Variants in KSR2 observed in about 807,000 individuals in gnomAD.
The protein encoded by KSR2 is kinase suppressor of ras 2.
A neutral mutation model predicts 107.8 loss-of-function variants in KSR2; 25 were observed. The ratio of observed to expected loss-of-function variants is 0.23; its 90% confidence interval spans 0.17 to 0.32. KSR2 has a LOEUF of 0.32. Among genes scored for constraint, KSR2 ranks in the 10% least tolerant of loss-of-function variants. KSR2 has a pLI of 1.00. For synonymous variants in KSR2, 480 were observed against 507.0 expected, an observed-to-expected ratio of 0.95 and a Z score of 0.71; for missense variants, 887 against 1,268.9, an observed-to-expected ratio of 0.70 and a Z score of 4.57.
chr12:117,794,414 TGCACATACAACATGCACACTC>T (rs1463944287), intron 3 of KSR2, among the ~76,000 whole-genome samples: 3 of 64,714 alleles, frequency 4.6e-5, no homozygotes, highest in African/African-American at 1.9e-4. Context: ...TGCACACACA[TGCACATACAACATGCACACTC>T]ACACCAACAT....
intron 4 of KSR2, among the ~76,000 whole-genome samples, chr12:117,679,347 C>T (rs538831199): frequency 7.9e-5 from 12 of 152,304 alleles, no homozygotes; most frequent in South Asian, 6.2e-4. Flanking sequence ...TAGAGTTATA[C>T]CCATTTCATA....
At chr12:117,514,941 A>AGC (rs1175258451) in intron 14 of KSR2, among the ~76,000 whole-genome samples, 3 of 151,826 alleles carry the variant, frequency 2.0e-5, no homozygotes, top group Non-Finnish European at 4.4e-5. Context: ...TCCTACCTCT[A>AGC]AGCCTTTGCA....
intron 1 of KSR2, among the ~76,000 whole-genome samples, chr12:117,935,343 G>A: frequency 6.6e-6 from 1 of 152,126 alleles, no homozygotes; most frequent in East Asian, 1.9e-4. Context: ...CAGGCCCCTA[G>A]AGTCTGTTCT....
chr12:117,798,718 A>ATAT (rs545976554), intron 3 of KSR2, among the ~76,000 whole-genome samples: 7 of 108,636 alleles, frequency 6.4e-5, no homozygotes, highest in Non-Finnish European at 1.1e-4. Context: ...CCAAAAAAAA[A>ATAT]AAATATATAT....
intron 1 of KSR2, among the ~76,000 whole-genome samples, chr12:117,911,380 G>A (rs1454276119): frequency 1.3e-5 from 2 of 152,144 alleles, no homozygotes; most frequent in African/African-American, 2.4e-5. Flanking sequence ...GGCAGCTGCT[G>A]TTCCTTCCTC....
intron 14 of KSR2, among the ~76,000 whole-genome samples, chr12:117,492,899 G>C (rs1872823365): frequency 6.6e-6 from 1 of 152,256 alleles, no homozygotes; most frequent in Non-Finnish European, 1.5e-5. Flanking sequence ...CCTCTAAAAA[G>C]CTGGAAAAAG....
intron 14 of KSR2, among the ~76,000 whole-genome samples, chr12:117,487,473 G>T (rs909355921): frequency 6.6e-6 from 1 of 152,212 alleles, no homozygotes; most frequent in Non-Finnish European, 1.5e-5. Context: ...CATCCCCCAG[G>T]TTGCTGTCCC....
chr12:117,510,672 G>A (rs770741699), intron 14 of KSR2, among the ~76,000 whole-genome samples: 4 of 152,136 alleles, frequency 2.6e-5, no homozygotes, highest in Non-Finnish European at 4.4e-5. Flanking sequence ...GAGCTTAGGC[G>A]TTTGAGAACA....
intron 1 of KSR2, among the ~76,000 whole-genome samples, chr12:117,952,933 C>T (rs945299450): frequency 1.5e-5 from 2 of 129,728 alleles, no homozygotes; most frequent in Non-Finnish European, 3.1e-5. Context: ...TGCCGTTAGC[C>T]AAGATTGCAC....
chr12:117,590,062 G>T (rs1880231568), intron 5 of KSR2, among the ~76,000 whole-genome samples: 1 of 152,210 alleles, frequency 6.6e-6, no homozygotes, highest in South Asian at 2.1e-4. Context: ...GATTCTTGAT[G>T]GAAGAGATCA....
In KSR2 at chr12:117,963,674, C is replaced by T. The variant is rs117279590; in HGVS notation, c.180+4402G>A. Among the ~76,000 whole-genome samples the T allele has an allele frequency of 2.8e-4, 42 of 152,316 alleles. No individual in the cohort carries two copies. The East Asian group carries it at 6.9e-3, about 25-fold the overall frequency. On this transcript the variant is annotated intron_variant, in intron 1 of 19. Transcript: ENST00000339824. ...CCAAAACCTTTGAAGACTTCTATCT[C>T]CTTCCACAAAGGGATGAAACGTTGT...
At chr12:117,795,370 C>G (rs1367462108) in intron 3 of KSR2, among the ~76,000 whole-genome samples, 5 of 152,282 alleles carry the variant, frequency 3.3e-5, no homozygotes, top group Admixed American at 2.6e-4. Context: ...ACTACCTCAG[C>G]CTTCTGGAAG....
chr12:117,731,586 G>A (rs1011334750), intron 4 of KSR2, among the ~76,000 whole-genome samples: 4 of 152,178 alleles, frequency 2.6e-5, no homozygotes, highest in African/African-American at 4.8e-5. Flanking sequence ...CGGTTTTGTC[G>A]AATAGAAAAG....
Position 117,560,873 on chromosome 12 carries a change from T to C in KSR2, c.1326-2300A>G, listed in dbSNP as rs116695017. ...TCCCTCTCTCACCATGTGACACCCC[T>C]GCTCCCCCTTCTCCTTCTGCTATAA... On this transcript the variant is annotated intron_variant, in intron 7 of 19. Transcript: ENST00000339824. Among the ~76,000 whole-genome samples the C allele has an allele frequency of 7.6e-3, 1,154 of 152,260 alleles. 18 individuals are homozygous for C. Among genetic ancestry groups the C allele is most frequent in the African/African-American group, 0.026 (1,098 of 41,562 alleles).
chr12:117,768,348 C>T (rs1889320108), intron 3 of KSR2, among the ~76,000 whole-genome samples: 1 of 152,204 alleles, frequency 6.6e-6, no homozygotes, highest in South Asian at 2.1e-4. Context: ...AAAAGCCACA[C>T]AGCCCAATGG....
At chr12:117,922,358 C>T (rs1895370157) in intron 1 of KSR2, among the ~76,000 whole-genome samples, 1 of 152,180 alleles carries the variant, frequency 6.6e-6, no homozygotes. Flanking sequence ...TTGGTCAAAG[C>T]CTGCATGGCT....
intron 16 of KSR2, among the ~76,000 whole-genome samples, chr12:117,483,855 A>G (rs1872311309): frequency 1.3e-5 from 2 of 152,196 alleles, no homozygotes; most frequent in South Asian, 4.1e-4. Context: ...GCGTGTTCTC[A>G]TTTTATCCTC....
At chr12:117,570,859 G>C (rs1328741271) in intron 7 of KSR2, among the ~76,000 whole-genome samples, 1 of 152,198 alleles carries the variant, frequency 6.6e-6, no homozygotes, top group East Asian at 1.9e-4. Flanking sequence ...TCTCTCTGCA[G>C]TCTGTATCCT....
At chr12:117,916,880 C>T (rs553806052) in intron 1 of KSR2, among the ~76,000 whole-genome samples, 31 of 152,168 alleles carry the variant, frequency 2.0e-4, no homozygotes, top group Non-Finnish European at 3.1e-4. Flanking sequence ...CAAAATAGAT[C>T]GTATTTAATG....
Sources: allele counts gnomAD v4.1 joint callset (sites outside exome capture counted in the v4.1 genomes callset), GRCh38; gene constraint gnomAD v4.1.1; transcripts MANE v1.5; gene names NCBI Gene and HGNC (gene_info 2026-07-23, HGNC 2026-07-21).